Variants in GPAT3 observed in about 807,000 individuals in gnomAD.
The protein encoded by GPAT3 is glycerol-3-phosphate acyltransferase 3, also known as 1-AGP acyltransferase 9.
GPAT3 carries 53 observed loss-of-function variants against 58.8 expected under a neutral mutation model. That is an observed-to-expected ratio of 0.90 (90% confidence interval 0.72 to 1.13). The LOEUF (loss-of-function observed/expected upper bound fraction) is 1.13, where lower values mean the gene tolerates loss of function less well. Ranked by LOEUF, GPAT3 falls within the 50% of genes most tolerant of loss-of-function variation. GPAT3 has a pLI of 0.00. For missense variants in GPAT3, 511 were observed against 527.6 expected, an observed-to-expected ratio of 0.97 and a Z score of 0.31; for synonymous variants, 197 against 187.4, an observed-to-expected ratio of 1.05 and a Z score of -0.42.
chr4:83,579,085 T>TCTTC (rs1238468861), intron 2 of GPAT3, among the ~76,000 whole-genome samples: 3 of 61,916 alleles, frequency 4.8e-5, no homozygotes, highest in South Asian at 7.6e-4. Context: ...TTTCTTCCCT[T>TCTTC]CCTTCCTTCC....
intron 2 of GPAT3, among the ~76,000 whole-genome samples, chr4:83,566,318 C>T (rs752913507): frequency 5.3e-5 from 8 of 152,036 alleles, no homozygotes; most frequent in Non-Finnish European, 8.8e-5. Context: ...GGATTATAGG[C>T]GTGAGCCACC....
At chr4:83,588,939 T>C (rs182626941) in intron 5 of GPAT3, among the ~76,000 whole-genome samples, 26 of 152,384 alleles carry the variant, frequency 1.7e-4, no homozygotes, top group African/African-American at 6.3e-4. Context: ...TTTTTAGATT[T>C]AACATCATTT....
chr4:83,561,914 T>C (rs920781238), intron 2 of GPAT3, among the ~76,000 whole-genome samples: 2 of 151,768 alleles, frequency 1.3e-5, no homozygotes, highest in Non-Finnish European at 2.9e-5. Flanking sequence ...TTTTAGAAAT[T>C]TGGAAATGAT....
chr4:83,581,095 CAAAAAAAA>C (rs35894737), intron 2 of GPAT3, among the ~76,000 whole-genome samples: 22,115 of 70,104 alleles, frequency 0.32, 2,306 homozygotes, highest in East Asian at 0.48. Context: ...GACTCCGTCT[CAAAAAAAA>C]AAAAAAAAAA....
chr4:83,587,174 C>T, intron 3 of GPAT3, 81 bp from the exon 4 acceptor site: 1 of 1,117,816 alleles, frequency 8.9e-7, no homozygotes, highest in South Asian at 1.3e-5. Context: ...AACTTATTTA[C>T]AATTTTATTA....
intron 5 of GPAT3, among the ~76,000 whole-genome samples, chr4:83,589,269 TC>T (rs1311095827): frequency 1.3e-5 from 2 of 152,226 alleles, no homozygotes; most frequent in Non-Finnish European, 2.9e-5. Flanking sequence ...TTTGGTTCTT[TC>T]TTCTCTGTAT....
intron 2 of GPAT3, among the ~76,000 whole-genome samples, chr4:83,577,506 T>C (rs930382331): frequency 2.7e-4 from 41 of 152,192 alleles, no homozygotes; most frequent in African/African-American, 9.6e-4. Flanking sequence ...TCTAAGTGGC[T>C]CAGGAAAATT....
intron 1 of GPAT3, among the ~76,000 whole-genome samples, chr4:83,541,908 C>T (rs1301916991): frequency 6.6e-6 from 1 of 152,186 alleles, no homozygotes; most frequent in Non-Finnish European, 1.5e-5. Flanking sequence ...ATCCTTGTGT[C>T]TATTTGCATG....
At chr4:83,582,284 T>A (rs1331844737) in intron 3 of GPAT3, among the ~76,000 whole-genome samples, 1 of 152,202 alleles carries the variant, frequency 6.6e-6, no homozygotes, top group African/African-American at 2.4e-5. Context: ...TTGAGTGTGG[T>A]TACACGTGGG....
At chr4:83,579,062 C>CTT (rs1326345776) in intron 2 of GPAT3, among the ~76,000 whole-genome samples, 1 of 39,728 alleles carries the variant, frequency 2.5e-5, no homozygotes, top group Non-Finnish European at 5.1e-5. Context: ...TTCTTTCTTT[C>CTT]TTTCTTTCTT....
intron 2 of GPAT3, among the ~76,000 whole-genome samples, chr4:83,546,188 T>C (rs1202770491): frequency 2.6e-5 from 4 of 152,138 alleles, no homozygotes; most frequent in African/African-American, 9.7e-5. Context: ...TTTCACCATG[T>C]TGGCCAGGCT....
At chr4:83,576,220 C>T (rs1725808644) in intron 2 of GPAT3, among the ~76,000 whole-genome samples, 1 of 152,102 alleles carries the variant, frequency 6.6e-6, no homozygotes, top group African/African-American at 2.4e-5. Flanking sequence ...AGTCTCTTAT[C>T]TAGTCTCTCC....
chr4:83,540,155 T>TAAA (rs58697347), intron 1 of GPAT3, among the ~76,000 whole-genome samples: 3 of 94,246 alleles, frequency 3.2e-5, no homozygotes, highest in South Asian at 3.8e-4. Flanking sequence ...AGACTCCATC[T>TAAA]AAAAAAAAAA....
intron 1 of GPAT3, among the ~76,000 whole-genome samples, chr4:83,541,668 T>A (rs1328814716): frequency 6.6e-6 from 1 of 152,222 alleles, no homozygotes; most frequent in Non-Finnish European, 1.5e-5. Context: ...TCATGCTATT[T>A]GAGGAATATC....
At chr4:83,581,372 A>G (rs1479957015) in intron 2 of GPAT3, among the ~76,000 whole-genome samples, 190 bp from the exon 3 acceptor site, 1 of 152,106 alleles carries the variant, frequency 6.6e-6, no homozygotes, top group Non-Finnish European at 1.5e-5. Flanking sequence ...AGGCCATTTC[A>G]TGCAGACACA....
intron 2 of GPAT3, among the ~76,000 whole-genome samples, chr4:83,565,128 T>G (rs1725334158): frequency 6.6e-6 from 1 of 151,904 alleles, no homozygotes; most frequent in Admixed American, 6.6e-5. Flanking sequence ...TGAGATGGAG[T>G]CTTGCTGTGT....
intron 2 of GPAT3, among the ~76,000 whole-genome samples, chr4:83,562,238 T>TATATATATATAATATATATATA (rs1725201173): frequency 2.5e-5 from 3 of 117,836 alleles, no homozygotes; most frequent in Admixed American, 8.7e-5. Flanking sequence ...ATATATATAA[T>TATATATATATAATATATATATA]ATATATATAT....
At chr4:83,551,299 A>T (rs1024264400) in intron 2 of GPAT3, among the ~76,000 whole-genome samples, 2 of 152,202 alleles carry the variant, frequency 1.3e-5, no homozygotes, top group Non-Finnish European at 2.9e-5. Context: ...GAGAAAAGAA[A>T]ATATATAGTA....
intron 7 of GPAT3, among the ~76,000 whole-genome samples, chr4:83,595,722 A>C (rs1726798324): frequency 6.6e-6 from 1 of 152,102 alleles, no homozygotes; most frequent in Non-Finnish European, 1.5e-5. Context: ...TTAAAAAAAA[A>C]AAAGAAGATC....
Sources: gnomAD v4.1 joint callset for allele counts (sites outside exome capture counted in the v4.1 genomes callset) on GRCh38, gnomAD v4.1.1 for gene constraint, MANE v1.5 for transcripts, NCBI Gene and HGNC (gene_info 2026-07-23, HGNC 2026-07-21) for gene names.